Variants in CNTNAP2 observed in about 807,000 individuals in gnomAD.
The protein encoded by CNTNAP2 is contactin-associated protein-like 2.
CNTNAP2 carries 98 observed loss-of-function variants against 155.2 expected under a neutral mutation model. The observed-to-expected ratio is 0.63, with a 90% confidence interval of 0.54 to 0.75. CNTNAP2 has a LOEUF of 0.75. CNTNAP2 is among the 30% of genes least tolerant of loss of function. CNTNAP2 has a pLI of 0.00. For missense variants in CNTNAP2, 1,727 were observed against 1,688.1 expected (o/e 1.02, Z -0.40); for synonymous variants, 651 against 631.2 (o/e 1.03, Z -0.47).
chr7:147,383,400 T>C (rs1796571849), intron 9 of CNTNAP2, among the ~76,000 whole-genome samples: 1 of 152,230 alleles, frequency 6.6e-6, no homozygotes, highest in Non-Finnish European at 1.5e-5. Context: ...ATCATATGGA[T>C]TGTTTTAGAT....
intron 12 of CNTNAP2, among the ~76,000 whole-genome samples, chr7:147,588,337 A>G (rs1008684943): frequency 1.4e-4 from 22 of 152,158 alleles, no homozygotes; most frequent in African/African-American, 4.1e-4. Context: ...ATGATCAGCT[A>G]GAACCAGATT....
At chr7:147,910,584 G>T (rs2116763066) in intron 14 of CNTNAP2, among the ~76,000 whole-genome samples, 1 of 152,294 alleles carries the variant, frequency 6.6e-6, no homozygotes, top group Admixed American at 6.5e-5. Flanking sequence ...ATAAAGGAAA[G>T]AAGCTTATTG....
intron 3 of CNTNAP2, among the ~76,000 whole-genome samples, chr7:146,896,024 T>C (rs1263098978): frequency 2.0e-5 from 3 of 152,106 alleles, no homozygotes; most frequent in Non-Finnish European, 2.9e-5. Context: ...TTTTCCTTCC[T>C]CCAGAAACTT....
In CNTNAP2 at chr7:146,479,244, C is replaced by G. The variant is rs542461316; in HGVS notation, c.98-295027C>G. On this transcript the variant is annotated intron_variant, in intron 1 of 23. Coordinates refer to ENST00000361727, the MANE Select transcript of CNTNAP2 (RefSeq NM_014141.6). Reference sequence around the variant, plus strand: ...CTTCCCTTTGAACGATGTCACATCACTATTACCATGGCAACAGACGCCCTA... The same window carrying G: ...CTTCCCTTTGAACGATGTCACATCAGTATTACCATGGCAACAGACGCCCTA... Among the ~76,000 whole-genome samples, 7 of 152,286 alleles carry G rather than the reference C, an allele frequency of 4.6e-5. No individual in the cohort carries two copies. The South Asian group carries it at 1.2e-3, about 27-fold the overall frequency.
At chr7:147,316,062 A>G (rs1010733717) in intron 9 of CNTNAP2, among the ~76,000 whole-genome samples, 6 of 152,050 alleles carry the variant, frequency 3.9e-5, no homozygotes, top group Non-Finnish European at 1.5e-5. Context: ...GCTGATATGA[A>G]CATTAATTTA....
chr7:146,709,289 T>A (rs1316975337), intron 1 of CNTNAP2, among the ~76,000 whole-genome samples: 1 of 152,158 alleles, frequency 6.6e-6, no homozygotes, highest in Non-Finnish European at 1.5e-5. Context: ...TATGAACTTT[T>A]CTCTTCACTG....
At chr7:146,907,398 G>A (rs565033243) in intron 3 of CNTNAP2, among the ~76,000 whole-genome samples, 4,364 of 148,782 alleles carry the variant, frequency 0.029, 89 homozygotes, top group Middle Eastern at 0.075. Context: ...GGCAGCCAGA[G>A]AGAAAGGTCA....
intron 9 of CNTNAP2, among the ~76,000 whole-genome samples, chr7:147,338,865 G>T (rs1315341307): frequency 6.6e-6 from 1 of 151,240 alleles, no homozygotes; most frequent in African/African-American, 2.4e-5. Flanking sequence ...GAAAATGGGG[G>T]TCTTGAAGAG....
intron 13 of CNTNAP2, among the ~76,000 whole-genome samples, chr7:147,786,856 C>T (rs1222938532): frequency 6.6e-6 from 1 of 152,036 alleles, no homozygotes; most frequent in African/African-American, 2.4e-5. Context: ...GTAGTCCCTG[C>T]TACTCATGAA....
intron 16 of CNTNAP2, among the ~76,000 whole-genome samples, chr7:148,139,425 GTCTC>G (rs1387279875): frequency 6.6e-6 from 1 of 152,196 alleles, no homozygotes; most frequent in East Asian, 1.9e-4. Flanking sequence ...GGATTTTAGT[GTCTC>G]TCAGCCTCAG....
At chr7:146,379,577 A>T (rs1795352112) in intron 1 of CNTNAP2, among the ~76,000 whole-genome samples, 1 of 152,150 alleles carries the variant, frequency 6.6e-6, no homozygotes, top group Non-Finnish European at 1.5e-5. Flanking sequence ...AACGCTACTC[A>T]TGTTAAGTTG....
intron 9 of CNTNAP2, among the ~76,000 whole-genome samples, chr7:147,337,491 G>T (rs1795685115): frequency 6.6e-6 from 1 of 152,090 alleles, no homozygotes; most frequent in Admixed American, 6.6e-5. Context: ...TGAGAAAGGG[G>T]CCATATGGGG....
Position 148,276,827 on chromosome 7 carries a change from C to T in CNTNAP2, c.3475+9701C>T, listed in dbSNP as rs145808448. 8.8e-3 allele frequency among the ~76,000 whole-genome samples: 1,341 copies of T among 152,282 alleles called. 17 individuals carry two copies. The highest frequency in any genetic ancestry group is 0.031 in the African/African-American group (1,277 of 41,550). ...TGCAGGGAGACCAAATTGGAGGTTG[C>T]CATGGTTATCACAGAATTGCACATT... On this transcript the variant is annotated intron_variant, in intron 21 of 23. Transcript: ENST00000361727.
chr7:147,968,668 G>A (rs775403679), intron 14 of CNTNAP2, among the ~76,000 whole-genome samples: 1 of 152,098 alleles, frequency 6.6e-6, no homozygotes, highest in Non-Finnish European at 1.5e-5. Flanking sequence ...AAAGGAACTG[G>A]CAAACTCAGC....
intron 15 of CNTNAP2, among the ~76,000 whole-genome samples, chr7:148,082,296 T>A (rs532429609): frequency 3.7e-4 from 56 of 152,318 alleles, no homozygotes; most frequent in African/African-American, 1.3e-3. Flanking sequence ...TTGGCCCAGA[T>A]GACAAGGGCT....
chr7:147,772,840 C>T (rs1054262801), intron 13 of CNTNAP2, among the ~76,000 whole-genome samples: 2 of 152,088 alleles, frequency 1.3e-5, no homozygotes, highest in African/African-American at 2.4e-5. Context: ...AAAACTCCAA[C>T]GGTTCTCACA....
chr7:147,398,589 C>CTT (rs58507416), intron 10 of CNTNAP2, among the ~76,000 whole-genome samples: 2,369 of 87,708 alleles, frequency 0.027, 144 homozygotes, highest in African/African-American at 0.08. Flanking sequence ...ACGATTTGAA[C>CTT]TTTTTTTTTT....
At chr7:147,279,230 C>T (rs1239094918) in intron 8 of CNTNAP2, among the ~76,000 whole-genome samples, 1 of 151,354 alleles carries the variant, frequency 6.6e-6, no homozygotes, top group Non-Finnish European at 1.5e-5. Context: ...ATTATTTCTT[C>T]CAGTTAAAAA....
chr7:148,384,970 A>G (rs1394699308), intron 22 of CNTNAP2, among the ~76,000 whole-genome samples: 1 of 152,246 alleles, frequency 6.6e-6, no homozygotes, highest in Non-Finnish European at 1.5e-5. Context: ...ACAATTTGCT[A>G]TAATGCTTGA....
Sources: gnomAD v4.1 joint callset for allele counts (sites outside exome capture counted in the v4.1 genomes callset) on GRCh38, gnomAD v4.1.1 for gene constraint, MANE v1.5 for transcripts, NCBI Gene and HGNC (gene_info 2026-07-23, HGNC 2026-07-21) for gene names.